Variants in CFAP20DC observed in about 807,000 individuals in gnomAD.
CFAP20DC encodes the protein CFAP20 domain containing.
Under a neutral mutation model 101.7 loss-of-function variants are expected in CFAP20DC, and 84 were observed. The ratio of observed to expected loss-of-function variants is 0.83; its 90% confidence interval spans 0.69 to 0.99. The LOEUF (loss-of-function observed/expected upper bound fraction) is 0.99. Ranked by LOEUF, CFAP20DC falls within the 50% of genes least tolerant of loss-of-function variation. The probability of loss-of-function intolerance (pLI) is 0.00; values close to 1 mark genes in which losing one functional copy is unlikely to be tolerated. For missense variants in CFAP20DC, 1,007 were observed against 970.3 expected (o/e 1.04, Z -0.50); for synonymous variants, 359 against 351.2 (o/e 1.02, Z -0.25).
intron 14 of CFAP20DC, among the ~76,000 whole-genome samples, chr3:58,808,776 G>C (rs2074343556): frequency 1.3e-5 from 2 of 152,232 alleles, no homozygotes; most frequent in South Asian, 4.2e-4. Context: ...TGGCAAATTG[G>C]ATAAAGAGTC....
chr3:58,879,957 T>C (rs2081100017), intron 7 of CFAP20DC, among the ~76,000 whole-genome samples: 1 of 151,904 alleles, frequency 6.6e-6, no homozygotes, highest in South Asian at 2.1e-4. Flanking sequence ...GATTTCCTTC[T>C]TATTATATAT....
chr3:58,924,125 T>C (rs2085690309), intron 5 of CFAP20DC, among the ~76,000 whole-genome samples: 2 of 152,154 alleles, frequency 1.3e-5, no homozygotes, highest in African/African-American at 2.4e-5. Context: ...TCCAGATTTG[T>C]TACATGAATA....
At chr3:58,975,145 T>C (rs1207622144) in intron 4 of CFAP20DC, among the ~76,000 whole-genome samples, 2 of 152,196 alleles carry the variant, frequency 1.3e-5, no homozygotes, top group Non-Finnish European at 2.9e-5. Flanking sequence ...GCTTTTTTTT[T>C]CAGCGGGTAC....
At chr3:58,789,803 G>C (rs902710557) in intron 15 of CFAP20DC, among the ~76,000 whole-genome samples, 1 of 152,096 alleles carries the variant, frequency 6.6e-6, no homozygotes, top group Non-Finnish European at 1.5e-5. Context: ...ATTATTGTGA[G>C]TAAATTAGGC....
rs2079468216 is a variant in CFAP20DC, at chr3:58,864,011, G to A, written c.1259-119C>T. ...CTCACTCTGCCGCCTAGGCTGCAGT[G>A]CAGTCACGCGATCTCGGCTCACTGC... On this transcript the variant is annotated intron_variant, in intron 11 of 16. Transcript: ENST00000482387. The surrounding 1 kb of genome is among the most constrained non-coding windows in gnomAD (Gnocchi z 4.7). The A allele has an allele frequency of 2.1e-6, 2 of 968,498 alleles. No individual in the cohort carries two copies. The allele number at this position is 968,498 out of a possible 1,614,324, so 60.0% of individuals were successfully genotyped here.
At position 58,859,748 on chromosome 3, in the gene CFAP20DC, G is replaced by C. The variant is rs1046117415; in HGVS notation, c.1593+3810C>G. Among the ~76,000 whole-genome samples the C allele has an allele frequency of 6.6e-6, 1 of 152,144 alleles. No individual in the cohort carries two copies. The highest frequency in any genetic ancestry group is 1.5e-5 in the Non-Finnish European group (1 of 68,046). Reference sequence around the variant, plus strand: ...AATGCAAGGCAGTATATTCAAAATAGAGTCTTTTCATTTTTTCCCAACACA... The same window carrying C: ...AATGCAAGGCAGTATATTCAAAATACAGTCTTTTCATTTTTTCCCAACACA... On this transcript the variant is annotated intron_variant, in intron 12 of 16. Transcript: ENST00000482387. The surrounding 1 kb of genome is among the most constrained non-coding windows in gnomAD (Gnocchi z 4.1).
chr3:58,839,085 G>A (rs1575839397), intron 13 of CFAP20DC, among the ~76,000 whole-genome samples: 1 of 152,212 alleles, frequency 6.6e-6, no homozygotes, highest in African/African-American at 2.4e-5. Context: ...AAGTAAGCTT[G>A]AACTGTTTTA....
At chr3:58,948,953 G>A (rs1389071731) in intron 4 of CFAP20DC, among the ~76,000 whole-genome samples, 1 of 152,136 alleles carries the variant, frequency 6.6e-6, no homozygotes, top group Non-Finnish European at 1.5e-5. Flanking sequence ...ATTAATTATT[G>A]CCTCAATTTC....
chr3:58,885,290 A>G (rs2081533867), intron 6 of CFAP20DC, among the ~76,000 whole-genome samples: 1 of 152,004 alleles, frequency 6.6e-6, no homozygotes, highest in South Asian at 2.1e-4. Flanking sequence ...ACTTATAATG[A>G]TATTTTATTT....
At chr3:58,824,123 T>C (rs1319602575) in intron 14 of CFAP20DC, among the ~76,000 whole-genome samples, 1 of 152,166 alleles carries the variant, frequency 6.6e-6, no homozygotes, top group African/African-American at 2.4e-5. Context: ...TATAAGAACA[T>C]CTGCTCATAT....
At chr3:58,990,903 A>G (rs2092916232) in intron 4 of CFAP20DC, among the ~76,000 whole-genome samples, 1 of 152,144 alleles carries the variant, frequency 6.6e-6, no homozygotes, top group South Asian at 2.1e-4. Flanking sequence ...CTTAACACTC[A>G]CTTTGTTATT....
intron 15 of CFAP20DC, among the ~76,000 whole-genome samples, chr3:58,761,035 T>C (rs867758912): frequency 7.2e-5 from 11 of 152,232 alleles, no homozygotes; most frequent in Non-Finnish European, 1.3e-4. Context: ...GGTATCAGGA[T>C]GATGCTGGCC....
chr3:58,727,225 T>C (rs1401379857), intron 3 of CFAP20DC: 1 of 153,998 alleles, frequency 6.5e-6, no homozygotes, highest in Non-Finnish European at 1.4e-5. Context: ...TTGAAGAATA[T>C]GTCCTCCTTG....
chr3:58,857,200 A>T (rs2078905512), intron 12 of CFAP20DC, among the ~76,000 whole-genome samples: 1 of 152,228 alleles, frequency 6.6e-6, no homozygotes. Context: ...GGAATTTCAG[A>T]TGTACTATTT....
In CFAP20DC at chr3:58,724,007, G is replaced by A. The variant is rs770658123; in HGVS notation, c.198-6379C>T. The stretch of plus-strand genomic sequence containing the variant: ...GTGGATAGAGGACAAACATTCATTC[G>A]CTGGTCTCTGTTCTTGGGGAAGTAA... On this transcript the variant is annotated intron_variant, in intron 3 of 3. Transcript: ENST00000486145. This position sits in a 1 kb window ranked among gnomAD's most constrained non-coding sequence, Gnocchi z 5.6. 1.3e-5 allele frequency among the ~76,000 whole-genome samples: 2 copies of A among 152,138 alleles called. No individual in the cohort carries two copies. Among genetic ancestry groups the A allele is most frequent in the Non-Finnish European group, 2.9e-5 (2 of 68,030 alleles).
chr3:58,903,660 A>G (rs539187075), intron 6 of CFAP20DC, among the ~76,000 whole-genome samples: 1 of 152,264 alleles, frequency 6.6e-6, no homozygotes, highest in Admixed American at 6.5e-5. Flanking sequence ...CTCTTATAAA[A>G]CAATCAGATC....
intron 4 of CFAP20DC, among the ~76,000 whole-genome samples, chr3:58,947,697 T>C (rs2089540817): frequency 6.6e-6 from 1 of 152,232 alleles, no homozygotes; most frequent in South Asian, 2.1e-4. Context: ...TTGTGCAGCG[T>C]CTTTAGGAAG....
chr3:58,929,390 T>C (rs1293625794), intron 5 of CFAP20DC, among the ~76,000 whole-genome samples: 1 of 152,208 alleles, frequency 6.6e-6, no homozygotes, highest in East Asian at 1.9e-4. Context: ...GAATAGTGTA[T>C]TTATCTCACA....
downstream of CFAP20DC, among the ~76,000 whole-genome samples, chr3:58,741,374 G>T (rs1330121265): frequency 1.3e-5 from 2 of 152,120 alleles, no homozygotes; most frequent in East Asian, 3.9e-4. Flanking sequence ...GATTTCTTCA[G>T]GCCCAGGCAG....
Sources: gnomAD v4.1 joint callset for allele counts (sites outside exome capture counted in the v4.1 genomes callset) on GRCh38, gnomAD v4.1.1 for gene constraint, Gnocchi (gnomAD v3.1) non-coding constraint, MANE v1.5 for transcripts, NCBI Gene and HGNC (gene_info 2026-07-23, HGNC 2026-07-21) for gene names.